OTOGL: variants seen among roughly 807,000 people sequenced by gnomAD.
The protein encoded by OTOGL is otogelin like.
A neutral mutation model predicts 318.5 loss-of-function variants in OTOGL; 285 were observed. The ratio of observed to expected loss-of-function variants is 0.89; its 90% CI spans 0.81 to 0.99. OTOGL has a LOEUF of 0.99. OTOGL is among the 50% of genes least tolerant of loss of function. The pLI, the probability that OTOGL is intolerant of heterozygous loss-of-function variation, is 0.00. For synonymous variants in OTOGL, 987 were observed against 936.5 expected (o/e 1.05, Z -0.99); for missense variants, 2,899 against 2,845.6 (o/e 1.02, Z -0.43).
chr12:80,212,226 A>G (rs967006775), intron 4 of OTOGL, among the ~76,000 whole-genome samples: 5 of 151,546 alleles, frequency 3.3e-5, no homozygotes, highest in Admixed American at 1.3e-4. Context: ...TTTTTTTGCT[A>G]TTCAGCTCAG....
chr12:80,300,366 G>A (rs778533074), intron 27 of OTOGL, among the ~76,000 whole-genome samples: 1 of 152,048 alleles, frequency 6.6e-6, no homozygotes, highest in Non-Finnish European at 1.5e-5. Flanking sequence ...CTGCCTGTGT[G>A]CTGCAAGTGG....
intron 44 of OTOGL, among the ~76,000 whole-genome samples, chr12:80,342,694 T>G (rs1888859546): frequency 6.6e-6 from 1 of 152,168 alleles, no homozygotes; most frequent in Admixed American, 6.5e-5. Flanking sequence ...TTAACTATAA[T>G]TTAGTGAGCA....
intron 26 of OTOGL, among the ~76,000 whole-genome samples, chr12:80,279,997 C>A (rs1884102293): frequency 6.6e-6 from 1 of 151,696 alleles, no homozygotes; most frequent in South Asian, 2.1e-4. Context: ...GCCATTTTGA[C>A]TGCTGTGAGA....
intron 35 of OTOGL, among the ~76,000 whole-genome samples, chr12:80,324,458 G>T (rs1436698725): frequency 2.6e-5 from 4 of 152,306 alleles, no homozygotes; most frequent in Middle Eastern, 6.8e-3. Flanking sequence ...TGAGACCAGA[G>T]AATCATATTA....
intron 32 of OTOGL, among the ~76,000 whole-genome samples, chr12:80,316,039 TATTATCTGC>T (rs1886951781): frequency 6.6e-6 from 1 of 152,234 alleles, no homozygotes; most frequent in Non-Finnish European, 1.5e-5. Context: ...TATTTTATTT[TATTATCTGC>T]ATTTTGCTAT....
intron 44 of OTOGL, among the ~76,000 whole-genome samples, chr12:80,347,878 G>A (rs2137978399): frequency 6.6e-6 from 1 of 152,232 alleles, no homozygotes; most frequent in Middle Eastern, 3.4e-3. Flanking sequence ...CAGTGGTGCT[G>A]AACCTTTTTT....
chr12:80,121,557 C>A (rs541596275), intron 1 of OTOGL, among the ~76,000 whole-genome samples: 117 of 152,228 alleles, frequency 7.7e-4, no homozygotes, highest in Middle Eastern at 3.4e-3. Flanking sequence ...TAGACAAAAT[C>A]AACCACCCCA....
At chr12:80,266,718 T>C (rs1413896582) in intron 21 of OTOGL, 102 bp downstream of exon 21, 1 of 1,218,300 alleles carries the variant, frequency 8.2e-7, no homozygotes. Context: ...ATATTTCTTA[T>C]TGTCTTTACT....
chr12:80,296,441 C>T (rs994763077), intron 26 of OTOGL, among the ~76,000 whole-genome samples: 1 of 152,040 alleles, frequency 6.6e-6, no homozygotes, highest in African/African-American at 2.4e-5. Flanking sequence ...ATTATTCAGC[C>T]AGAAATATCG....
chr12:80,193,353 TA>T (rs1331816593), intron 1 of OTOGL, among the ~76,000 whole-genome samples: 1 of 151,982 alleles, frequency 6.6e-6, no homozygotes. Context: ...CCATCTGTAC[TA>T]AAAATACAAA....
chr12:80,367,485 A>G, intron 53 of OTOGL, 76 bp from the exon 54 acceptor site: 12 of 1,167,522 alleles, frequency 1.0e-5, no homozygotes, highest in Non-Finnish European at 1.4e-5. Flanking sequence ...ACATAGACTC[A>G]AATATAAGTT....
chr12:80,163,182 G>A (rs1873631020), intron 1 of OTOGL, among the ~76,000 whole-genome samples: 1 of 151,730 alleles, frequency 6.6e-6, no homozygotes. Context: ...TGATGATAGG[G>A]CATTGTCTTA....
intron 17 of OTOGL, among the ~76,000 whole-genome samples, chr12:80,256,943 A>G (rs1255969551): frequency 6.6e-6 from 1 of 152,018 alleles, no homozygotes; most frequent in African/African-American, 2.4e-5. Flanking sequence ...TTTGCAGCAT[A>G]TTTAGGGGGA....
chr12:80,125,695 A>G (rs1348968957), intron 1 of OTOGL, among the ~76,000 whole-genome samples: 5 of 152,014 alleles, frequency 3.3e-5, no homozygotes, highest in Non-Finnish European at 7.4e-5. Flanking sequence ...GTAAGCTATT[A>G]ATTATTGCCT....
At chr12:80,326,999 T>G (rs1017685609) in intron 35 of OTOGL, among the ~76,000 whole-genome samples, 18 of 152,196 alleles carry the variant, frequency 1.2e-4, no homozygotes, top group Non-Finnish European at 1.8e-4. Context: ...TTTTTAAAAT[T>G]TGTAAATATA....
intron 33 of OTOGL, 32 bp from the exon 34 acceptor site, chr12:80,320,389 TC>T: frequency 1.3e-6 from 2 of 1,558,568 alleles, no homozygotes; most frequent in Non-Finnish European, 1.7e-6. Flanking sequence ...ATCTTCCTTC[TC>T]CTGAGAATCC....
At chr12:80,099,753 A>G (rs1869022539) in intron 1 of OTOGL, 148 bp downstream of exon 1, 1 of 152,172 alleles carries the variant, frequency 6.6e-6, no homozygotes. Flanking sequence ...GTTGGCATAG[A>G]AAACATTTAA....
intron 1 of OTOGL, among the ~76,000 whole-genome samples, chr12:80,155,698 A>G (rs923010570): frequency 6.6e-6 from 1 of 152,240 alleles, no homozygotes; most frequent in Non-Finnish European, 1.5e-5. Context: ...GTGCTATCAC[A>G]TACTAGGTGT....
chr12:80,257,169 A>G (rs1456767653), intron 17 of OTOGL, among the ~76,000 whole-genome samples: 3 of 152,236 alleles, frequency 2.0e-5, no homozygotes, highest in Middle Eastern at 6.8e-3. Context: ...CACGCTACAC[A>G]GGTGTCAGGC....
Sources: gnomAD v4.1 joint callset for allele counts (sites outside exome capture counted in the v4.1 genomes callset) on GRCh38, gnomAD v4.1.1 for gene constraint, MANE v1.5 for transcripts, NCBI Gene and HGNC (gene_info 2026-07-23, HGNC 2026-07-21) for gene names.